FREM3: variants seen among roughly 807,000 people sequenced by gnomAD.
FREM3 encodes the protein FRAS1 related extracellular matrix 3, also known as FRAS1-related extracellular matrix protein 3.
In FREM3, 105 loss-of-function variants were observed where a neutral mutation model predicts 129.1. That is an observed-to-expected ratio of 0.81 (90% CI 0.69 to 0.96). The LOEUF is 0.96. FREM3 is among the 40% of genes least tolerant of loss of function. The pLI is 0.00. For synonymous variants in FREM3, 1,014 were observed against 1,044.9 expected, an observed-to-expected ratio of 0.97 and a Z score of 0.57; for missense variants, 2,593 against 2,666.3, an observed-to-expected ratio of 0.97 and a Z score of 0.61.
rs1738213451 is a variant in FREM3, at chr4:143,585,029, T to C, written c.6178+815A>G. ...AAACAGCCTGCTCCTGAATGACTTC[T>C]GGGTAAACAATGTAATTAAGGCAGA... is the stretch of plus-strand genomic sequence containing the variant. On this transcript the variant is annotated intron_variant, in intron 7 of 7. Transcript: ENST00000329798. This position sits in a 1 kb window ranked among gnomAD's most constrained non-coding sequence, Gnocchi z 4.2. Among the ~76,000 whole-genome samples the C allele has an allele frequency of 6.6e-6, 1 of 152,326 alleles. No individual in the cohort carries two copies. Among genetic ancestry groups the C allele is most frequent in the Middle Eastern group, 3.4e-3 (1 of 294 alleles).
At chr4:143,684,621 A>G (rs1282197399) in intron 2 of FREM3, among the ~76,000 whole-genome samples, 1 of 152,110 alleles carries the variant, frequency 6.6e-6, no homozygotes, top group Non-Finnish European at 1.5e-5. Flanking sequence ...CAAAAATCAC[A>G]CTAGTTCATC....
intron 5 of FREM3, among the ~76,000 whole-genome samples, chr4:143,620,117 G>T (rs899298909): frequency 2.0e-5 from 3 of 152,092 alleles, no homozygotes; most frequent in African/African-American, 7.2e-5. Flanking sequence ...CTAAATAACT[G>T]CCAGCTTCCC....
intron 2 of FREM3, among the ~76,000 whole-genome samples, chr4:143,633,275 A>G (rs1739172677): frequency 6.6e-6 from 1 of 152,172 alleles, no homozygotes. Context: ...CTATGCCATA[A>G]TATATTTGTT....
intron 6 of FREM3, among the ~76,000 whole-genome samples, chr4:143,591,207 T>G (rs1738354039): frequency 6.6e-6 from 1 of 152,126 alleles, no homozygotes; most frequent in Non-Finnish European, 1.5e-5. Context: ...ATTCATTGAT[T>G]TTTTTGAAGG....
chr4:143,621,200 G>T (rs1313990741), intron 4 of FREM3, 38 bp from the exon 5 acceptor site: 3 of 1,532,222 alleles, frequency 2.0e-6, no homozygotes, highest in Non-Finnish European at 2.6e-6. Flanking sequence ...CCAAGATTTA[G>T]ATTTGATCGG....
chr4:143,700,581 C>A lies in FREM3; in HGVS notation c.95G>T (p.Arg32Leu), dbSNP rs778384314. ...GGGCTCGGTCCCAAGTGAGGATGCC[C>A]GTCCCTGCAGCGCGGGGCGACTCAA... is the stretch of plus-strand genomic sequence containing the variant. ...LLLSRPALQG[R>L]ASSLGTEPDP... Residue 32 changes from arginine to leucine, a missense_variant, in exon 1 of 8, where the codon CGG becomes CTG. Arg to Leu is a moderately radical substitution (Grantham distance 102). This residue lies in a region of FREM3 where 2,276 missense variants were observed against 2,267.2 expected (regional missense o/e 1.00). Transcript: ENST00000329798. 4.7e-6 allele frequency: 7 copies of A among 1,494,324 alleles called. No homozygotes were observed. Among genetic ancestry groups the A allele is most frequent in the Admixed American group, 4.3e-5 (2 of 47,058 alleles). 92.6% of individuals were successfully genotyped at this position (1,494,324 alleles called of 1,614,324 possible). A position where few individuals can be genotyped will look rare whatever the true frequency, so the allele number is the denominator to read the frequency against.
chr4:143,595,497 T>C (rs1253770915), intron 6 of FREM3, among the ~76,000 whole-genome samples: 2 of 152,202 alleles, frequency 1.3e-5, no homozygotes, highest in East Asian at 3.8e-4. Context: ...TAAACAGATA[T>C]ACAGTCTTGT....
At chr4:143,678,963 A>T (rs578183481) in intron 2 of FREM3, among the ~76,000 whole-genome samples, 1 of 152,328 alleles carries the variant, frequency 6.6e-6, no homozygotes, top group South Asian at 2.1e-4. Flanking sequence ...AAGGATGCAC[A>T]TATACATATT....
intron 2 of FREM3, among the ~76,000 whole-genome samples, chr4:143,631,858 C>T (rs992965128): frequency 2.0e-5 from 3 of 152,062 alleles, no homozygotes; most frequent in Non-Finnish European, 2.9e-5. Context: ...TTTAGTAAAA[C>T]GTACTGTTTC....
chr4:143,674,029 C>T (rs1391521401), intron 2 of FREM3, among the ~76,000 whole-genome samples: 2 of 152,244 alleles, frequency 1.3e-5, no homozygotes, highest in Non-Finnish European at 2.9e-5. Flanking sequence ...TCCCTGACCC[C>T]TTGCACTTCC....
At chr4:143,591,792 CT>C (rs1209753443) in intron 6 of FREM3, among the ~76,000 whole-genome samples, 4 of 152,112 alleles carry the variant, frequency 2.6e-5, no homozygotes, top group Non-Finnish European at 4.4e-5. Flanking sequence ...TCCTGGATAT[CT>C]TTGTTAACTT....
At chr4:143,635,456 C>CTGCAATG (rs1214046261) in intron 2 of FREM3, among the ~76,000 whole-genome samples, 4 of 152,082 alleles carry the variant, frequency 2.6e-5, no homozygotes, top group African/African-American at 9.7e-5. Context: ...TGATGGTAGC[C>CTGCAATG]CTGTGCATTG....
At chr4:143,623,781 G>A (rs1263149171) in intron 4 of FREM3, among the ~76,000 whole-genome samples, 1 of 152,090 alleles carries the variant, frequency 6.6e-6, no homozygotes, top group Non-Finnish European at 1.5e-5. Context: ...AAAAGATGGT[G>A]GCCCTGAAAT....
chr4:143,664,382 G>A (rs574973939), intron 2 of FREM3, among the ~76,000 whole-genome samples: 37 of 152,206 alleles, frequency 2.4e-4, no homozygotes, highest in African/African-American at 7.7e-4. Flanking sequence ...TAGCAGCAGC[G>A]GTGTCTGCAG....
At chr4:143,655,153 G>T (rs1217286800) in intron 2 of FREM3, among the ~76,000 whole-genome samples, 1 of 152,122 alleles carries the variant, frequency 6.6e-6, no homozygotes, top group East Asian at 1.9e-4. Context: ...TATCTTCATT[G>T]TACTGTGCAC....
chr4:143,660,267 G>T (rs1186480621), intron 2 of FREM3, among the ~76,000 whole-genome samples: 1 of 151,934 alleles, frequency 6.6e-6, no homozygotes, highest in Non-Finnish European at 1.5e-5. Flanking sequence ...TGTATAAGGT[G>T]TAAGGAAGGG....
chr4:143,689,985 C>T (rs1192317417), intron 2 of FREM3, among the ~76,000 whole-genome samples: 2 of 145,766 alleles, frequency 1.4e-5, no homozygotes, highest in Non-Finnish European at 3.0e-5. Context: ...TAACCAAATA[C>T]CACCTGTACC....
chr4:143,647,947 T>G (rs1256560208), intron 2 of FREM3, among the ~76,000 whole-genome samples: 1 of 152,136 alleles, frequency 6.6e-6, no homozygotes, highest in Non-Finnish European at 1.5e-5. Context: ...ACCGTGTGCC[T>G]GGAAAAGCTG....
At chr4:143,578,051 C>G (rs551313017) in intron 7 of FREM3, among the ~76,000 whole-genome samples, 199 bp from the exon 8 acceptor site, 1 of 152,344 alleles carries the variant, frequency 6.6e-6, no homozygotes, top group African/African-American at 2.4e-5. Context: ...TTGTGCCATG[C>G]CCACGTGCCA....
Sources: gnomAD v4.1 joint callset for allele counts (sites outside exome capture counted in the v4.1 genomes callset) on GRCh38, gnomAD v4.1.1 for gene constraint, gnomAD v4.1.1 regional missense constraint, Gnocchi (gnomAD v3.1) non-coding constraint, MANE v1.5 for transcripts, NCBI Gene and HGNC (gene_info 2026-07-23, HGNC 2026-07-21) for gene names.